SYK: variants seen among roughly 807,000 people sequenced by gnomAD.
SYK encodes tyrosine-protein kinase SYK.
In SYK, 16 loss-of-function variants were observed where a neutral mutation model predicts 77.8. The ratio of observed to expected loss-of-function variants is 0.21; its 90% CI spans 0.14 to 0.31. The LOEUF (loss-of-function observed/expected upper bound fraction) is 0.31. Ranked by LOEUF, SYK falls within the 10% of genes least tolerant of loss-of-function variation. The pLI is 1.00. For missense variants in SYK, 529 were observed against 814.4 expected, an observed-to-expected ratio of 0.65 and a Z score of 4.26; for synonymous variants, 312 against 308.7, an observed-to-expected ratio of 1.01 and a Z score of -0.11.
intron 3 of SYK, among the ~76,000 whole-genome samples, chr9:90,856,778 A>G (rs557731119): frequency 1.3e-5 from 2 of 151,624 alleles, no homozygotes; most frequent in East Asian, 3.9e-4. Context: ...TTCCCTCCCT[A>G]CCCCTTTTCT....
intron 3 of SYK, among the ~76,000 whole-genome samples, chr9:90,861,667 G>A (rs1480005147): frequency 1.3e-5 from 1 of 79,294 alleles, no homozygotes; most frequent in African/African-American, 4.8e-5. Context: ...CCCGGGGGAT[G>A]GAGGCTTCCA....
chr9:90,844,068 A>G lies in SYK; in HGVS notation c.170A>G (p.His57Arg). ...YLGGFALSVA[H>R]GRKAHHYTIE... is the part of the protein sequence containing the mutation. ...GGTGGCTTCGCCCTGTCCGTGGCCC[A>G]CGGGAGGAAGGCACACCACTACACC... The change falls in exon 2 of 14, where the codon CAC becomes CGC. Residue 57 changes from histidine to arginine, a missense_variant. His to Arg is a conservative substitution (Grantham distance 29). Around this residue, in one of 2 missense-constraint regions of SYK, gnomAD observed 321 missense variants for 433.1 expected, o/e 0.74. Transcript: ENST00000375754. 1 of 1,612,510 alleles carries G rather than the reference A, an allele frequency of 6.2e-7. No homozygotes were observed. Among genetic ancestry groups the G allele is most frequent in the Non-Finnish European group, 8.5e-7 (1 of 1,179,204 alleles).
In SYK at chr9:90,843,869, C is replaced by T. The variant is rs777493381; in HGVS notation, c.-30C>T. The T allele has an allele frequency of 7.5e-6, 11 of 1,473,078 alleles. No homozygotes were observed. The highest frequency in any genetic ancestry group is 7.3e-5 in the Admixed American group (3 of 40,844). The allele number at this position is 1,473,078 out of a possible 1,614,324, so 91.3% of individuals were successfully genotyped here. ...TCTGTCTTGCCCAGGTGGACACCTG[C>T]GCAGGTGTGTGCCCTCCGGCCCCTG... On this transcript the variant is annotated 5_prime_UTR_variant, in exon 2 of 14. Coordinates refer to ENST00000375754, the MANE Select transcript of SYK (RefSeq NM_003177.7).
intron 3 of SYK, among the ~76,000 whole-genome samples, chr9:90,853,491 AC>A (rs1336314198): frequency 6.6e-6 from 1 of 152,086 alleles, no homozygotes; most frequent in Non-Finnish European, 1.5e-5. Flanking sequence ...ACAATGATAG[AC>A]TGGATTAAGA....
At chr9:90,872,098 G>C (rs1827751575) in intron 7 of SYK, among the ~76,000 whole-genome samples, 1 of 152,120 alleles carries the variant, frequency 6.6e-6, no homozygotes, top group Non-Finnish European at 1.5e-5. Flanking sequence ...AGCATATTTT[G>C]ACAACCCCAT....
rs1275242557 is a variant in SYK at position 90,813,451 on chromosome 9, G to A, written c.-42+11558G>A. 2.6e-5 allele frequency among the ~76,000 whole-genome samples: 4 copies of A among 152,166 alleles called. No individual in the cohort carries two copies. The East Asian group carries it at 7.7e-4, about 29-fold the overall frequency. ...CTGTAAACATCCAGTTCCAAGAAGTGGCTCTAAAGCCCTCTCTGGGGGCAG... is the reference window on the plus strand; with the variant it reads ...CTGTAAACATCCAGTTCCAAGAAGTAGCTCTAAAGCCCTCTCTGGGGGCAG... On this transcript the variant is annotated intron_variant, in intron 1 of 13. Transcript: ENST00000375754.
chr9:90,853,078 G>A (rs1826880709), intron 3 of SYK, among the ~76,000 whole-genome samples: 2 of 151,840 alleles, frequency 1.3e-5, no homozygotes, highest in South Asian at 2.1e-4. Flanking sequence ...TTGCCTTCAC[G>A]AGTGCAACCC....
intron 7 of SYK, among the ~76,000 whole-genome samples, chr9:90,869,065 A>G (rs1335471203): frequency 1.3e-5 from 2 of 152,202 alleles, no homozygotes; most frequent in Non-Finnish European, 2.9e-5. Flanking sequence ...TATCGTATAC[A>G]GTATCCTAGA....
intron 4 of SYK, 59 bp downstream of exon 4, chr9:90,862,403 T>C (rs374357878): frequency 6.4e-7 from 1 of 1,557,182 alleles, no homozygotes. Flanking sequence ...GGGCTCCTTG[T>C]CCCATGGACT....
At position 90,856,378 on chromosome 9, in the gene SYK, C is replaced by T. The variant is rs542378620; in HGVS notation, c.579-5828C>T. ...TCTCTGTTGTTCTTGCCCATTTCTTCCTTCAGAGACTCCTATTAAATACAG... is the reference window on the plus strand; with the variant it reads ...TCTCTGTTGTTCTTGCCCATTTCTTTCTTCAGAGACTCCTATTAAATACAG... On this transcript the variant is annotated intron_variant, in intron 3 of 13. Coordinates refer to ENST00000375754, the MANE Select transcript of SYK (RefSeq NM_003177.7). Among the ~76,000 whole-genome samples the T allele has an allele frequency of 1.2e-4, 19 of 152,298 alleles. No individual in the cohort carries two copies. The East Asian group carries it at 3.5e-3, about 28-fold the overall frequency.
chr9:90,880,751 G>A (rs550148072), intron 11 of SYK, among the ~76,000 whole-genome samples: 1 of 152,240 alleles, frequency 6.6e-6, no homozygotes, highest in African/African-American at 2.4e-5. Flanking sequence ...GGTAGGCAGG[G>A]TTCAGTGCGT....
chr9:90,836,385 A>T (rs1298502321), intron 1 of SYK, among the ~76,000 whole-genome samples: 1 of 152,188 alleles, frequency 6.6e-6, no homozygotes, highest in Non-Finnish European at 1.5e-5. Context: ...AATGTGTACA[A>T]CTCTATTATT....
At chr9:90,845,336 T>A in intron 2 of SYK, 98 bp from the exon 3 acceptor site, 1 of 1,342,340 alleles carries the variant, frequency 7.4e-7, no homozygotes, top group Non-Finnish European at 1.0e-6. Flanking sequence ...TTGATCCTGT[T>A]TTACCATGCC....
chr9:90,872,416 A>C (rs1188400126), intron 7 of SYK, among the ~76,000 whole-genome samples: 1 of 152,250 alleles, frequency 6.6e-6, no homozygotes, highest in Admixed American at 6.5e-5. Context: ...TTGAAATGAC[A>C]GTAAATATTA....
chr9:90,888,798 C>T (rs896259501), intron 13 of SYK, among the ~76,000 whole-genome samples, 171 bp downstream of exon 13: 2 of 152,184 alleles, frequency 1.3e-5, no homozygotes, highest in African/African-American at 4.8e-5. Context: ...TGCTTTCTGG[C>T]CCATGCACTT....
At chr9:90,891,284 T>C (rs1012680244) in intron 13 of SYK, among the ~76,000 whole-genome samples, 1 of 151,880 alleles carries the variant, frequency 6.6e-6, no homozygotes, top group Non-Finnish European at 1.5e-5. Flanking sequence ...TAGCTGGGAC[T>C]ACAGGCGCCC....
At chr9:90,852,082 T>A (rs372587195) in intron 3 of SYK, among the ~76,000 whole-genome samples, 9 of 152,220 alleles carry the variant, frequency 5.9e-5, no homozygotes, top group African/African-American at 2.2e-4. Flanking sequence ...ACATCTTAGT[T>A]CAACAATATT....
Position 90,844,288 on chromosome 9 carries a change from A to G in SYK, c.390A>G (p.Glu130=). The part of the protein sequence containing the change: ...FEDLKENLIR[E]YVKQTWNLQG... ...ATTTGAAGGAAAACCTCATCAGGGA[A>G]TATGTGAAGCAGACATGGAACCTGC... Residue 130 remains glutamate (E), a synonymous_variant, in exon 2 of 14, where the codon GAA becomes GAG. Coordinates refer to ENST00000375754, the MANE Select transcript of SYK (RefSeq NM_003177.7). The G allele has an allele frequency of 6.2e-7, 1 of 1,612,230 alleles. No individual in the cohort carries two copies. Among genetic ancestry groups the G allele is most frequent in the South Asian group, 1.1e-5 (1 of 90,844 alleles).
Position 90,860,447 on chromosome 9 carries a change from TG to T in SYK, c.579-1758del, listed in dbSNP as rs1283063971. ...ATTACCATGTGGTTTTTTGTTGTGTTGTGTTGTGTTGTATTTAACAGTCACC... is the reference window on the plus strand; with the variant it reads ...ATTACCATGTGGTTTTTTGTTGTGTTTGTTGTGTTGTATTTAACAGTCACC... On this transcript the variant is annotated intron_variant, in intron 3 of 13. Transcript: ENST00000375754. Among the ~76,000 whole-genome samples the T allele has an allele frequency of 1.3e-3, 195 of 152,284 alleles. 3 individuals are homozygous for T. In the East Asian group the frequency reaches 0.032, roughly 25 times the overall value.
Sources: allele counts gnomAD v4.1 joint callset (sites outside exome capture counted in the v4.1 genomes callset), GRCh38; gene constraint gnomAD v4.1.1; regional missense constraint gnomAD v4.1.1; transcripts MANE v1.5; gene names NCBI Gene and HGNC (gene_info 2026-07-23, HGNC 2026-07-21).